Variants in STRN4 observed in about 807,000 individuals in gnomAD.
The protein encoded by STRN4 is striatin-4.
Under a neutral mutation model 77.9 loss-of-function variants are expected in STRN4, and 27 were observed. That is an observed-to-expected ratio of 0.35 (90% CI 0.26 to 0.48). The LOEUF is 0.48. Among genes scored for constraint, STRN4 ranks in the 20% least tolerant of loss-of-function variants. STRN4 has a pLI of 0.99. For missense variants in STRN4, 798 were observed against 1,049.7 expected (o/e 0.76, Z 3.31); for synonymous variants, 466 against 443.1 (o/e 1.05, Z -0.65).
chr19:46,738,341 C>A lies in STRN4; in HGVS notation c.387-104G>T. On this transcript the variant is annotated intron_variant, in intron 2 of 17. Transcript: ENST00000263280. This position sits in a 1 kb window ranked among gnomAD's most constrained non-coding sequence, Gnocchi z 4.5. ...CCAAACCCCAAATCACAGGGCCTCC[C>A]CCAGCTCGTCTACTACTGAGGCTGA... 2 of 1,088,046 alleles carry A rather than the reference C, an allele frequency of 1.8e-6. No individual in the cohort carries two copies. Among genetic ancestry groups the A allele is most frequent in the East Asian group, 2.4e-5 (1 of 42,056 alleles). The allele number at this position is 1,088,046 out of a possible 1,614,324, so 67.4% of individuals were successfully genotyped here. A position where few individuals can be genotyped will look rare whatever the true frequency, so the allele number is the denominator to read the frequency against.
rs1335772208 is a variant in STRN4, at chr19:46,746,433, A to T, written c.-3T>A. On this transcript the variant is annotated 5_prime_UTR_variant, in exon 1 of 18. Coordinates refer to ENST00000263280, the MANE Select transcript of STRN4 (RefSeq NM_013403.3). Reference sequence around the variant, plus strand: ...GCGGCCGCTCGCTCCTCCATCATGGAGGCCCCGGGGCCGGCCTGCGCGCCC... The same window carrying T: ...GCGGCCGCTCGCTCCTCCATCATGGTGGCCCCGGGGCCGGCCTGCGCGCCC... The T allele has an allele frequency of 6.9e-6, 7 of 1,014,820 alleles. No homozygotes were observed. The Admixed American group carries it at 2.9e-4, about 43-fold the overall frequency. The allele number at this position is 1,014,820 out of a possible 1,614,324, so 62.9% of individuals were successfully genotyped here.
At chr19:46,727,585 G>A in intron 8 of STRN4, 39 bp from the exon 9 acceptor site, 3 of 1,577,688 alleles carry the variant, frequency 1.9e-6, no homozygotes, top group East Asian at 2.2e-5. Context: ...GGGGAGGGGA[G>A]GGAGGGGCAG....
Position 46,736,826 on chromosome 19 carries a change from C to CG in STRN4, c.535dup (p.Arg179ProfsTer39). On this transcript the variant is annotated frameshift_variant, in exon 4 of 18. Coordinates refer to ENST00000263280, the MANE Select transcript of STRN4 (RefSeq NM_013403.3). LOFTEE classifies it high-confidence loss of function. Reference sequence around the variant, plus strand: ...CCCCCTCCCCGAGCACACTCACTGTCGGAGAAGCTGCCGCCCCTCCTTCCA... The same window carrying CG: ...CCCCCTCCCCGAGCACACTCACTGTCGGGAGAAGCTGCCGCCCCTCCTTCCA... The CG allele has an allele frequency of 6.2e-7, 1 of 1,612,698 alleles. No individual in the cohort carries two copies. The highest frequency in any genetic ancestry group is 8.5e-7 in the Non-Finnish European group (1 of 1,179,306).
intron 1 of STRN4, among the ~76,000 whole-genome samples, chr19:46,744,974 C>T (rs539434082): frequency 3.9e-5 from 6 of 152,212 alleles, no homozygotes; most frequent in Non-Finnish European, 7.4e-5. Flanking sequence ...CTGTCCCAAG[C>T]TACCCCAAAA....
intron 6 of STRN4, among the ~76,000 whole-genome samples, chr19:46,730,289 C>G (rs1270955230): frequency 1.3e-5 from 2 of 152,152 alleles, no homozygotes; most frequent in Admixed American, 6.5e-5. Flanking sequence ...CCAGTCCCTC[C>G]CAGGGAGAGG....
chr19:46,722,704 G>T, intron 14 of STRN4, 106 bp downstream of exon 14: 1 of 1,500,884 alleles, frequency 6.7e-7, no homozygotes, highest in South Asian at 1.2e-5. Flanking sequence ...TGAGGGTGCA[G>T]GGGAGTCATC....
chr19:46,743,918 AAAATAAATAAAT>A (rs201868012), intron 1 of STRN4, among the ~76,000 whole-genome samples: 11 of 151,792 alleles, frequency 7.2e-5, no homozygotes, highest in African/African-American at 2.4e-4. Context: ...AATAAAAATA[AAAATAAATAAAT>A]AAATAAATAA....
chr19:46,725,755 G>C, intron 9 of STRN4, 107 bp from the exon 10 acceptor site: 1 of 1,401,340 alleles, frequency 7.1e-7, no homozygotes, highest in South Asian at 1.4e-5. Context: ...ACATGACCCT[G>C]GCAGGAATGC....
At position 46,738,073 on chromosome 19, in the gene STRN4, G is replaced by T; in HGVS notation, c.460+91C>A. 7.5e-7 allele frequency: 1 copy of T among 1,335,826 alleles called. No homozygotes were observed. Among genetic ancestry groups the T allele is most frequent in the Non-Finnish European group, 1.1e-6 (1 of 926,842 alleles). 82.7% of individuals were successfully genotyped at this position (1,335,826 alleles called of 1,614,324 possible). A position where few individuals can be genotyped will look rare whatever the true frequency, so the allele number is the denominator to read the frequency against. On this transcript the variant is annotated intron_variant, in intron 3 of 17. Coordinates refer to ENST00000263280, the MANE Select transcript of STRN4 (RefSeq NM_013403.3). The surrounding 1 kb of genome is among the most constrained non-coding windows in gnomAD (Gnocchi z 4.5). The stretch of plus-strand genomic sequence containing the variant: ...CCGATTCTGCCTTCTAAGGAGCAAA[G>T]TGAGAAAGAGGCACCCCATCTTCCT...
At chr19:46,725,055 G>T in intron 11 of STRN4, 127 bp from the exon 12 acceptor site, 2 of 1,421,024 alleles carry the variant, frequency 1.4e-6, no homozygotes, top group Non-Finnish European at 1.9e-6. Context: ...TGGGGCTCTG[G>T]CCATGCTACC....
intron 1 of STRN4, among the ~76,000 whole-genome samples, chr19:46,739,853 G>A (rs888421443): frequency 2.2e-4 from 33 of 152,222 alleles, no homozygotes; most frequent in African/African-American, 8.0e-4. Flanking sequence ...TCAAGGCCTG[G>A]CACAGAATAA....
In STRN4 at chr19:46,722,276, G is replaced by T; in HGVS notation, c.1971C>A (p.Asp657Glu). 1.9e-6 allele frequency: 3 copies of T among 1,614,220 alleles called. No individual in the cohort carries two copies. In the South Asian group the frequency reaches 3.3e-5, roughly 18 times the overall value. ...PNQPLTITAH[D>E]DRGIRFLDNR... is the part of the protein sequence containing the mutation. ...TGTCCAGGAAGCGGATGCCCCTGTC[G>T]TCGTGGGCGGTGATGGTGAGAGGCT... The change falls in exon 15 of 18, where the codon GAC becomes GAA. Residue 657 changes from aspartate to glutamate, a missense_variant. Physicochemically the swap from Asp to Glu is conservative, Grantham distance 45. Transcript: ENST00000263280.
Position 46,733,093 on chromosome 19 carries a change from C to A in STRN4, c.683G>T (p.Gly228Val). Residue 228 changes from glycine (G) to valine (V), a missense_variant, in exon 5 of 18, where the codon GGG becomes GTG. Gly to Val is a moderately radical substitution (Grantham distance 109). This residue lies in a region of STRN4 where 511 missense variants were observed against 575.9 expected (regional missense o/e 0.89). Coordinates refer to ENST00000263280, the MANE Select transcript of STRN4 (RefSeq NM_013403.3). This position sits in a 1 kb window ranked among gnomAD's most constrained non-coding sequence, Gnocchi z 4.3. ...GAPRAPPGPA[G>V]LSGGESLLVK... ...CAGCAGCGACTCCCCACCACTGAGCCCTGCAGGGCCTGGTGGAGCCCTGGG... is the reference window on the plus strand; with the variant it reads ...CAGCAGCGACTCCCCACCACTGAGCACTGCAGGGCCTGGTGGAGCCCTGGG... The A allele has an allele frequency of 6.2e-7, 1 of 1,613,604 alleles. No individual in the cohort carries two copies. The highest frequency in any genetic ancestry group is 8.5e-7 in the Non-Finnish European group (1 of 1,179,908).
intron 3 of STRN4, among the ~76,000 whole-genome samples, chr19:46,737,587 C>T (rs760345438): frequency 5.3e-5 from 8 of 151,664 alleles, no homozygotes; most frequent in Non-Finnish European, 8.8e-5. Context: ...GCACACTGAC[C>T]GACTCCCTGT....
At chr19:46,743,304 A>G (rs1006369327) in intron 1 of STRN4, among the ~76,000 whole-genome samples, 1 of 152,226 alleles carries the variant, frequency 6.6e-6, no homozygotes, top group African/African-American at 2.4e-5. Context: ...CTAACTTAAC[A>G]GAATAAAAGA....
chr19:46,732,908 G>C, intron 5 of STRN4, 131 bp downstream of exon 5: 1 of 1,093,932 alleles, frequency 9.1e-7, no homozygotes, highest in South Asian at 1.6e-5. Flanking sequence ...TTCAGAACAA[G>C]GGAGCCCACG....
intron 4 of STRN4, 136 bp downstream of exon 4, chr19:46,736,687 T>G: frequency 1.0e-6 from 1 of 974,332 alleles, no homozygotes; most frequent in Non-Finnish European, 1.5e-6. Flanking sequence ...GTGAAAGCCA[T>G]TCCAGCCATG....
In STRN4 at chr19:46,723,057, C is replaced by G; in HGVS notation, c.1765+57G>C. ...GCCTGGGGCCTCAGCAGGAACCACT[C>G]TGATAGCCTCCAGATCCCGCACAGC... On this transcript the variant is annotated intron_variant, in intron 13 of 17. Coordinates refer to ENST00000263280, the MANE Select transcript of STRN4 (RefSeq NM_013403.3). This position sits in a 1 kb window ranked among gnomAD's most constrained non-coding sequence, Gnocchi z 5.5. 6.4e-7 allele frequency: 1 copy of G among 1,570,714 alleles called. No homozygotes were observed. The highest frequency in any genetic ancestry group is 8.6e-7 in the Non-Finnish European group (1 of 1,157,432).
chr19:46,738,234 G>A lies in STRN4; in HGVS notation c.390C>T (p.Ala130=). The A allele has an allele frequency of 6.2e-7, 1 of 1,614,014 alleles. No individual in the cohort carries two copies. Among genetic ancestry groups the A allele is most frequent in the Middle Eastern group, 1.6e-4 (1 of 6,062 alleles). ...MLEYALKQER[A]KYHKLKFGTD... Reference sequence around the variant, plus strand: ...TCCCAAACTTCAGTTTATGATATTTGGCCCTAAAAGAGCAAATGATTAATG... The same window carrying A: ...TCCCAAACTTCAGTTTATGATATTTAGCCCTAAAAGAGCAAATGATTAATG... Residue 130 remains alanine, a synonymous_variant, in exon 3 of 18, where the codon GCC becomes GCT. Coordinates refer to ENST00000263280, the MANE Select transcript of STRN4 (RefSeq NM_013403.3). The surrounding 1 kb of genome is among the most constrained non-coding windows in gnomAD (Gnocchi z 4.5).
Sources: allele counts gnomAD v4.1 joint callset (sites outside exome capture counted in the v4.1 genomes callset), GRCh38; gene constraint gnomAD v4.1.1; regional missense constraint gnomAD v4.1.1; non-coding constraint Gnocchi (gnomAD v3.1); transcripts MANE v1.5; gene names NCBI Gene and HGNC (gene_info 2026-07-23, HGNC 2026-07-21).